Variants in TULP4 observed in about 807,000 individuals in gnomAD.
TULP4 encodes tubby-related protein 4.
In TULP4, 16 loss-of-function variants were observed where a neutral mutation model predicts 129.0. That is an observed-to-expected ratio of 0.12 (90% CI 0.08 to 0.19). The LOEUF is 0.19. TULP4 is among the 10% of genes least tolerant of loss of function. TULP4 has a pLI of 1.00. For missense variants in TULP4, 1,842 were observed against 2,059.1 expected, an observed-to-expected ratio of 0.89 and a Z score of 2.04; for synonymous variants, 998 against 854.0, an observed-to-expected ratio of 1.17 and a Z score of -2.94.
At chr6:158,336,350 A>G (rs926076107) in intron 1 of TULP4, among the ~76,000 whole-genome samples, 3 of 152,222 alleles carry the variant, frequency 2.0e-5, no homozygotes, top group East Asian at 1.9e-4. Flanking sequence ...TGTGGTGTAT[A>G]TTACAAATGT....
intron 6 of TULP4, among the ~76,000 whole-genome samples, chr6:158,478,388 A>T (rs535870218): frequency 6.6e-6 from 1 of 152,318 alleles, no homozygotes; most frequent in Admixed American, 6.5e-5. Context: ...CTCTGTCCTA[A>T]CCTGTACTTT....
upstream of TULP4, chr6:158,312,152 A>G (rs1042370948): frequency 1.8e-5 from 7 of 398,144 alleles, no homozygotes; most frequent in Middle Eastern, 1.3e-3. Flanking sequence ...GTGTGTGTCT[A>G]TGTGCATTTA....
intron 1 of TULP4, among the ~76,000 whole-genome samples, chr6:158,317,768 C>G (rs1482482167): frequency 6.6e-6 from 1 of 152,174 alleles, no homozygotes; most frequent in East Asian, 1.9e-4. Flanking sequence ...GTCTACACTC[C>G]CACCAACAGT....
intron 1 of TULP4, among the ~76,000 whole-genome samples, chr6:158,289,904 A>G (rs1318523968): frequency 6.6e-6 from 1 of 152,012 alleles, no homozygotes; most frequent in Non-Finnish European, 1.5e-5. Context: ...TAAGGCAATG[A>G]ATTTTCTTTC....
chr6:158,276,159 G>A (rs1166240610), intron 1 of TULP4, among the ~76,000 whole-genome samples: 3 of 151,880 alleles, frequency 2.0e-5, no homozygotes, highest in Non-Finnish European at 2.9e-5. Context: ...TAGTAGAGAC[G>A]GGGTTTTACC....
intron 5 of TULP4, among the ~76,000 whole-genome samples, chr6:158,461,150 G>A (rs1012373000): frequency 3.3e-5 from 5 of 152,300 alleles, no homozygotes; most frequent in Admixed American, 2.0e-4. Context: ...AGTGGCTCAC[G>A]CCTGTAATCC....
At chr6:158,447,616 G>T (rs1251964017) in intron 3 of TULP4, among the ~76,000 whole-genome samples, 1 of 152,134 alleles carries the variant, frequency 6.6e-6, no homozygotes, top group Non-Finnish European at 1.5e-5. Flanking sequence ...CTGAGTGCCT[G>T]CATTGTACAC....
intron 1 of TULP4, among the ~76,000 whole-genome samples, chr6:158,350,563 A>G (rs969394472): frequency 6.6e-6 from 1 of 152,032 alleles, no homozygotes. Flanking sequence ...CGTCTCCACC[A>G]AAAATACAAA....
rs545179138 is a variant in TULP4 at position 158,380,910 on chromosome 6, A to G, written c.253-32155A>G. Among the ~76,000 whole-genome samples, 284 of 135,112 alleles carry G rather than the reference A, an allele frequency of 2.1e-3. 2 individuals are homozygous for G. The highest frequency in any genetic ancestry group is 4.5e-3 in the Middle Eastern group (1 of 222). The allele number at this position is 135,112 out of a possible 152,430, so 88.6% of individuals were successfully genotyped here. ...CTCTGTCTCCAAAAAAAAAAAAAAAAAAGAAGAAGAAGAAGAAAGAGGTTT... is the reference window on the plus strand; with the variant it reads ...CTCTGTCTCCAAAAAAAAAAAAAAAGAAGAAGAAGAAGAAGAAAGAGGTTT... On this transcript the variant is annotated intron_variant, in intron 1 of 13. Coordinates refer to ENST00000367097, the MANE Select transcript of TULP4 (RefSeq NM_020245.5).
chr6:158,244,595 A>C (rs1004256803), intron 1 of TULP4, among the ~76,000 whole-genome samples: 1 of 152,196 alleles, frequency 6.6e-6, no homozygotes, highest in Non-Finnish European at 1.5e-5. Flanking sequence ...AGCACACAGC[A>C]GGATGGCAGC....
chr6:158,498,703 G>A lies in TULP4; in HGVS notation c.1905G>A (p.Pro635=), dbSNP rs189913450. The A allele has an allele frequency of 3.6e-5, 58 of 1,614,170 alleles. 1 individual carries two copies. In the Middle Eastern group the frequency reaches 6.6e-4, roughly 18 times the overall value. ...AAACCAGCCTCCTGCATCTCCAGCC[G>A]CGGCAGATGACCATTTATCTCCCAG... The part of the protein sequence containing the change: ...IYKTSLLHLQ[P]RQMTIYLPEV... Residue 635 remains proline, a synonymous_variant, in exon 12 of 14, where the codon CCG becomes CCA. Transcript: ENST00000367097.
chr6:158,436,000 C>T (rs540139519), intron 3 of TULP4, among the ~76,000 whole-genome samples: 7 of 152,180 alleles, frequency 4.6e-5, no homozygotes, highest in East Asian at 1.9e-4. Flanking sequence ...CTGCAACCTC[C>T]GCCTCCCGGG....
intron 1 of TULP4, among the ~76,000 whole-genome samples, chr6:158,345,262 C>T (rs1780273966): frequency 6.6e-6 from 1 of 152,204 alleles, no homozygotes; most frequent in South Asian, 2.1e-4. Flanking sequence ...ATCCTCCCTG[C>T]CTTAGCCTTC....
intron 1 of TULP4, among the ~76,000 whole-genome samples, chr6:158,297,102 G>T (rs867524758): frequency 6.6e-6 from 1 of 151,792 alleles, no homozygotes. Context: ...TTTCTCAACC[G>T]CATAGGACAG....
intron 1 of TULP4, among the ~76,000 whole-genome samples, chr6:158,248,108 A>T (rs1364120666): frequency 6.6e-6 from 1 of 152,138 alleles, no homozygotes; most frequent in Non-Finnish European, 1.5e-5. Context: ...AGAGAATTTA[A>T]CTGTTAACTG....
At chr6:158,265,175 G>A (rs1778426178) in intron 1 of TULP4, among the ~76,000 whole-genome samples, 1 of 152,156 alleles carries the variant, frequency 6.6e-6, no homozygotes, top group African/African-American at 2.4e-5. Context: ...GCTGACTTTC[G>A]GGGAGCTGAG....
At chr6:158,491,610 A>G (rs1465058541) in intron 9 of TULP4, among the ~76,000 whole-genome samples, 1 of 151,018 alleles carries the variant, frequency 6.6e-6, no homozygotes, top group Non-Finnish European at 1.5e-5. Context: ...CTCCTGCCTC[A>G]GCCTCCCGAG....
intron 2 of TULP4, among the ~76,000 whole-genome samples, chr6:158,416,720 A>G (rs1263752477): frequency 6.6e-6 from 1 of 152,210 alleles, no homozygotes; most frequent in African/African-American, 2.4e-5. Context: ...GCTACAAGGT[A>G]ATGTCCTAGG....
intron 5 of TULP4, among the ~76,000 whole-genome samples, chr6:158,459,202 G>T (rs967683970): frequency 1.3e-5 from 2 of 152,108 alleles, no homozygotes; most frequent in Non-Finnish European, 2.9e-5. Context: ...AGGCCGAGGC[G>T]GGTGGATCAC....
Sources: allele counts gnomAD v4.1 joint callset (sites outside exome capture counted in the v4.1 genomes callset), GRCh38; gene constraint gnomAD v4.1.1; transcripts MANE v1.5; gene names NCBI Gene and HGNC (gene_info 2026-07-23, HGNC 2026-07-21).